The following FHOD3 variants were observed in gnomAD, a reference collection of about 807,000 sequenced individuals.
FHOD3 encodes the protein formin homology 2 domain containing 3.
A neutral mutation model predicts 173.0 loss-of-function variants in FHOD3; 90 were observed. That is an observed-to-expected ratio of 0.52 (90% confidence interval 0.44 to 0.62). FHOD3 has a LOEUF of 0.62. Ranked by LOEUF, FHOD3 falls within the 20% of genes least tolerant of loss-of-function variation. FHOD3 has a pLI of 0.00. For missense variants in FHOD3, 1,945 were observed against 2,034.7 expected (o/e 0.96, Z 0.85); for synonymous variants, 828 against 823.0 (o/e 1.01, Z -0.10).
chr18:36,482,228 C>G (rs1376351993), intron 3 of FHOD3, among the ~76,000 whole-genome samples: 3 of 152,110 alleles, frequency 2.0e-5, no homozygotes, highest in Non-Finnish European at 2.9e-5. Context: ...TTTTATGGAG[C>G]CTACATTTCA....
rs1295307482 is a variant in FHOD3 at position 36,611,821 on chromosome 18, T to C, written c.814-131T>C. Reference sequence around the variant, plus strand: ...TGAAGAGGCTTTTGCTCAAATAAATTTGTCATCTGTCTGGATTGATTAGTG... The same window carrying C: ...TGAAGAGGCTTTTGCTCAAATAAATCTGTCATCTGTCTGGATTGATTAGTG... On this transcript the variant is annotated intron_variant, in intron 8 of 28. Transcript: ENST00000590592. 30 of 850,656 alleles carry C rather than the reference T, an allele frequency of 3.5e-5. 1 individual carries two copies. Among genetic ancestry groups the C allele is most frequent in the Admixed American group, 1.9e-4 (6 of 32,368 alleles). The allele number at this position is 850,656 out of a possible 1,614,324, so 52.7% of individuals were successfully genotyped here. A position where few individuals can be genotyped will look rare whatever the true frequency, so the allele number is the denominator to read the frequency against.
intron 2 of FHOD3, among the ~76,000 whole-genome samples, chr18:36,366,699 G>A (rs909947263): frequency 6.6e-6 from 1 of 152,150 alleles, no homozygotes. Flanking sequence ...ATCTTAGCTA[G>A]CACTGTCCTT....
chr18:36,645,231 G>A (rs1310305534), intron 10 of FHOD3, among the ~76,000 whole-genome samples: 1 of 151,948 alleles, frequency 6.6e-6, no homozygotes, highest in African/African-American at 2.4e-5. Context: ...GACCAGCCTG[G>A]CAAACATGGT....
chr18:36,529,722 C>A (rs978861020), intron 5 of FHOD3, among the ~76,000 whole-genome samples: 1 of 152,136 alleles, frequency 6.6e-6, no homozygotes, highest in African/African-American at 2.4e-5. Context: ...ATCGCTTGAA[C>A]CCAGGAGGCA....
chr18:36,765,699 C>A (rs1211393934), intron 27 of FHOD3, among the ~76,000 whole-genome samples: 1 of 152,084 alleles, frequency 6.6e-6, no homozygotes, highest in Non-Finnish European at 1.5e-5. Flanking sequence ...GAAATAAACT[C>A]ATTGGATGGG....
chr18:36,470,530 C>T (rs1173415430), intron 3 of FHOD3, among the ~76,000 whole-genome samples: 3 of 152,210 alleles, frequency 2.0e-5, no homozygotes, highest in Admixed American at 6.5e-5. Flanking sequence ...GACTTTCTCA[C>T]GTCCTTGTGC....
At chr18:36,592,480 G>T (rs1005607083) in intron 6 of FHOD3, among the ~76,000 whole-genome samples, 3 of 152,348 alleles carry the variant, frequency 2.0e-5, no homozygotes, top group Middle Eastern at 3.4e-3. Flanking sequence ...CGGAGAGGGG[G>T]TGTCAAGAAA....
intron 3 of FHOD3, among the ~76,000 whole-genome samples, chr18:36,415,922 G>C (rs1284783368): frequency 6.6e-6 from 1 of 152,198 alleles, no homozygotes; most frequent in Non-Finnish European, 1.5e-5. Flanking sequence ...CTAACCAGAT[G>C]ACTGTCTTTC....
intron 3 of FHOD3, among the ~76,000 whole-genome samples, chr18:36,483,115 G>A (rs2054017718): frequency 1.3e-5 from 2 of 152,138 alleles, no homozygotes; most frequent in Admixed American, 6.5e-5. Flanking sequence ...TTTGTGAGTG[G>A]GAGGATTGGA....
At position 36,377,901 on chromosome 18, in the gene FHOD3, C is replaced by T. The variant is rs1257032624; in HGVS notation, c.337+5157C>T. 3.3e-5 allele frequency among the ~76,000 whole-genome samples: 5 copies of T among 152,318 alleles called. No individual in the cohort carries two copies. The East Asian group carries it at 5.8e-4, about 18-fold the overall frequency. ...CTTCTGGCTGGCTCTGTCCTGCATT[C>T]CACAAGAAGCTGCTTCTGCTCCTGT... On this transcript the variant is annotated intron_variant, in intron 3 of 28. Transcript: ENST00000590592.
chr18:36,542,159 T>C (rs2057248772), intron 5 of FHOD3, among the ~76,000 whole-genome samples: 1 of 152,238 alleles, frequency 6.6e-6, no homozygotes, highest in South Asian at 2.1e-4. Flanking sequence ...TACAGCTCTT[T>C]GGAGAGTGAG....
intron 3 of FHOD3, among the ~76,000 whole-genome samples, chr18:36,499,563 G>T (rs2054922379): frequency 6.6e-6 from 1 of 152,156 alleles, no homozygotes; most frequent in Middle Eastern, 3.2e-3. Flanking sequence ...AAAAAACAAA[G>T]TCTTTTTCTC....
At chr18:36,323,900 G>A (rs1016550003) in intron 1 of FHOD3, among the ~76,000 whole-genome samples, 7 of 152,198 alleles carry the variant, frequency 4.6e-5, no homozygotes, top group Non-Finnish European at 8.8e-5. Flanking sequence ...TAAATAGTAT[G>A]TAAGAAGACA....
Position 36,718,665 on chromosome 18 carries a change from A to G in FHOD3, c.3367A>G (p.Arg1123Gly). 1 of 1,614,228 alleles carries G rather than the reference A, an allele frequency of 6.2e-7. No homozygotes were observed. The highest frequency in any genetic ancestry group is 1.1e-5 in the South Asian group (1 of 91,084). Residue 1123 changes from arginine to glycine, a missense_variant, in exon 19 of 29, where the codon AGA (arginine) becomes GGA (glycine). Physicochemically the swap from Arg to Gly is moderately radical, Grantham distance 125 (BLOSUM62 -2). Coordinates refer to ENST00000590592, the MANE Select transcript of FHOD3 (RefSeq NM_001281740.3). ...GGAACCCATTAAGGTGGACACTTCC[A>G]GACTGGAGCACCTGTTTGAGTCTAA... ...KLEPIKVDTS[R>G]LEHLFESKSK...
At chr18:36,506,994 A>T (rs1371817318) in intron 4 of FHOD3, among the ~76,000 whole-genome samples, 2 of 152,186 alleles carry the variant, frequency 1.3e-5, no homozygotes, top group African/African-American at 2.4e-5. Context: ...AAAACACAAC[A>T]TTGTAGGGGG....
At chr18:36,345,221 A>G (rs2045825509) in intron 1 of FHOD3, among the ~76,000 whole-genome samples, 1 of 151,744 alleles carries the variant, frequency 6.6e-6, no homozygotes, top group Admixed American at 6.6e-5. Flanking sequence ...TTTTTTTATC[A>G]CGGTGAAATT....
rs529043404 is a variant in FHOD3, at chr18:36,606,351, G to A, written c.813+3583G>A. Among the ~76,000 whole-genome samples the A allele has an allele frequency of 5.3e-5, 8 of 152,228 alleles. No individual in the cohort carries two copies. In the South Asian group the frequency reaches 1.5e-3, roughly 28 times the overall value. On this transcript the variant is annotated intron_variant, in intron 8 of 28. Coordinates refer to ENST00000590592, the MANE Select transcript of FHOD3 (RefSeq NM_001281740.3). ...CCTTTTTGCCATGCCATCCATGGTA[G>A]AGGGCAAGGGGGTTGTAGGGGAAGA...
chr18:36,715,544 C>CTTCA (rs574681269), intron 18 of FHOD3, among the ~76,000 whole-genome samples: 2 of 151,978 alleles, frequency 1.3e-5, no homozygotes, highest in African/African-American at 4.8e-5. Context: ...CTGATCATTC[C>CTTCA]TTCATTCATT....
At chr18:36,628,450 T>C (rs531262282) in intron 10 of FHOD3, among the ~76,000 whole-genome samples, 51 of 152,200 alleles carry the variant, frequency 3.4e-4, no homozygotes, top group Non-Finnish European at 6.3e-4. Context: ...AATACAAAAA[T>C]TCAAAGACTT....
Sources: allele counts gnomAD v4.1 joint callset (sites outside exome capture counted in the v4.1 genomes callset), GRCh38; gene constraint gnomAD v4.1.1; transcripts MANE v1.5; gene names NCBI Gene and HGNC (gene_info 2026-07-23, HGNC 2026-07-21).